The following SUSD3 variants were observed in gnomAD, a reference collection of about 807,000 sequenced individuals.
SUSD3 encodes the protein sushi domain containing 3.
In SUSD3, 18 loss-of-function variants were observed where a neutral mutation model predicts 20.6. The observed-to-expected ratio is 0.87, with a 90% CI of 0.60 to 1.30. SUSD3 has a LOEUF of 1.30. Ranked by LOEUF, SUSD3 falls within the 50% of genes most tolerant of loss-of-function variation. The pLI, the probability that SUSD3 is intolerant of heterozygous loss-of-function variation, is 0.00. For missense variants in SUSD3, 306 were observed against 346.9 expected, an observed-to-expected ratio of 0.88 and a Z score of 0.94; for synonymous variants, 137 against 141.5, an observed-to-expected ratio of 0.97 and a Z score of 0.23.
intron 1 of SUSD3, 24 bp from the exon 2 acceptor site, chr9:93,075,760 C>T (rs374982655): frequency 8.6e-6 from 7 of 818,246 alleles, no homozygotes; most frequent in East Asian, 4.3e-5. Context: ...CCCCGCCATG[C>T]CTCATACCTG....
At chr9:93,082,561 C>T (rs1319712598) in intron 4 of SUSD3, among the ~76,000 whole-genome samples, 1 of 152,172 alleles carries the variant, frequency 6.6e-6, no homozygotes, top group East Asian at 1.9e-4. Flanking sequence ...TCGTGATCTG[C>T]CCACCTCGGC....
chr9:93,059,075 T>A (rs1278164617), intron 1 of SUSD3, among the ~76,000 whole-genome samples: 3 of 152,086 alleles, frequency 2.0e-5, no homozygotes, highest in Admixed American at 2.0e-4. Context: ...CGTTCCCGAG[T>A]GGCCGCAGCG....
intron 1 of SUSD3, among the ~76,000 whole-genome samples, chr9:93,065,231 G>T (rs559948833): frequency 1.3e-5 from 2 of 152,308 alleles, no homozygotes; most frequent in East Asian, 3.9e-4. Context: ...ACACGCACCA[G>T]CTTGATTCCA....
intron 4 of SUSD3, among the ~76,000 whole-genome samples, chr9:93,080,954 T>C (rs754177885): frequency 2.0e-5 from 3 of 152,210 alleles, no homozygotes; most frequent in African/African-American, 4.8e-5. Context: ...TTGGGAAAAG[T>C]TCACAAATAC....
At chr9:93,073,579 G>A (rs1826000290) in intron 1 of SUSD3, among the ~76,000 whole-genome samples, 1 of 152,126 alleles carries the variant, frequency 6.6e-6, no homozygotes, top group South Asian at 2.1e-4. Flanking sequence ...ATGCACCAGC[G>A]GTCCACTGTC....
rs1436392539 is a variant in SUSD3, at chr9:93,058,756, C to T, written c.14C>T (p.Ala5Val). Reference protein sequence around the residue: MRWAAATLRGKARPR... With the variant: MRWAVATLRGKARPR... ...GGAGCGCGCAGGATGCGCTGGGCGG[C>T]CGCCACCCTCCGTGGCAAGGCGAGG... is the stretch of plus-strand genomic sequence containing the variant. The change falls in exon 1 of 5, where the codon GCC (alanine) becomes GTC (valine). Residue 5 changes from alanine (A) to valine (V), a missense_variant. Coordinates refer to ENST00000375472, the MANE Select transcript of SUSD3 (RefSeq NM_145006.4). 1.5e-5 allele frequency: 19 copies of T among 1,236,278 alleles called. No homozygotes were observed. In the East Asian group the frequency reaches 6.0e-4, roughly 39 times the overall value. 76.6% of individuals were successfully genotyped at this position (1,236,278 alleles called of 1,614,324 possible). A position where few individuals can be genotyped will look rare whatever the true frequency, so the allele number is the denominator to read the frequency against.
Position 93,084,822 on chromosome 9 carries a change from CCA to C in SUSD3, c.*78_*79del. ...CCCCACCAGCCAGTCAGCTACAACT[CCA>C]CATCAACTCCACATGCGCCCAGCTC... On this transcript the variant is annotated 3_prime_UTR_variant, in exon 5 of 5. Coordinates refer to ENST00000375472, the MANE Select transcript of SUSD3 (RefSeq NM_145006.4). The C allele has an allele frequency of 2.3e-6, 3 of 1,295,440 alleles. No homozygotes were observed. Among genetic ancestry groups the C allele is most frequent in the Non-Finnish European group, 2.1e-6 (2 of 971,432 alleles). The allele number at this position is 1,295,440 out of a possible 1,614,324, so 80.2% of individuals were successfully genotyped here.
intron 4 of SUSD3, among the ~76,000 whole-genome samples, chr9:93,080,421 A>G (rs958893901): frequency 1.3e-5 from 2 of 151,460 alleles, no homozygotes; most frequent in Non-Finnish European, 1.5e-5. Flanking sequence ...GCACTCAGCC[A>G]CCAGGTCTCT....
intron 1 of SUSD3, among the ~76,000 whole-genome samples, chr9:93,062,657 A>T (rs1354318260): frequency 1.3e-5 from 2 of 151,988 alleles, no homozygotes; most frequent in Non-Finnish European, 2.9e-5. Context: ...GACAGATGGG[A>T]TCTGCCTCTC....
At chr9:93,083,111 C>T (rs1438883411) in intron 4 of SUSD3, among the ~76,000 whole-genome samples, 3 of 152,112 alleles carry the variant, frequency 2.0e-5, no homozygotes, top group African/African-American at 4.8e-5. Context: ...CTGACAGGGC[C>T]GTGAGAGGCT....
chr9:93,078,046 A>G (rs755825626), intron 3 of SUSD3, 53 bp downstream of exon 3: 3 of 1,611,886 alleles, frequency 1.9e-6, no homozygotes, highest in South Asian at 1.1e-5. Context: ...TCTTGGCACC[A>G]TGGGAGGAGG....
chr9:93,071,347 G>A (rs577501842), intron 1 of SUSD3, among the ~76,000 whole-genome samples: 11 of 152,332 alleles, frequency 7.2e-5, no homozygotes, highest in Admixed American at 1.3e-4. Context: ...CAGAAGGCCC[G>A]ACAGCCGTTG....
chr9:93,084,674 C>A lies in SUSD3; in HGVS notation c.695C>A (p.Pro232His). The A allele has an allele frequency of 6.2e-7, 1 of 1,606,252 alleles. No homozygotes were observed. The highest frequency in any genetic ancestry group is 8.5e-7 in the Non-Finnish European group (1 of 1,176,220). Residue 232 changes from proline to histidine, a missense_variant, in exon 5 of 5, where the codon CCC (proline) becomes CAC (histidine). Physicochemically the swap from Pro to His is moderately conservative, Grantham distance 77 (BLOSUM62 -2). Coordinates refer to ENST00000375472, the MANE Select transcript of SUSD3 (RefSeq NM_145006.4). ...CAGGTGATGGTGCACATGGCAAACC[C>A]CAGACAGCCCCTGCCTGCCTCTGGG... ...QAQVMVHMAN[P>H]RQPLPASGLA...
intron 1 of SUSD3, among the ~76,000 whole-genome samples, chr9:93,064,450 A>G (rs1314302190): frequency 1.3e-5 from 2 of 152,216 alleles, no homozygotes; most frequent in East Asian, 3.9e-4. Context: ...CCTGCTGTTG[A>G]TGCCTGTCAC....
At chr9:93,063,220 G>A (rs533569050) in intron 1 of SUSD3, among the ~76,000 whole-genome samples, 52 of 152,308 alleles carry the variant, frequency 3.4e-4, no homozygotes, top group Non-Finnish European at 6.0e-4. Context: ...AAGTTTCCCT[G>A]TGTTCCATGG....
chr9:93,079,265 C>T (rs1479988861), intron 3 of SUSD3, among the ~76,000 whole-genome samples: 1 of 152,198 alleles, frequency 6.6e-6, no homozygotes, highest in African/African-American at 2.4e-5. Flanking sequence ...TGTGTGGCTA[C>T]TTTTGGGCTG....
intron 1 of SUSD3, among the ~76,000 whole-genome samples, chr9:93,074,613 A>ATTTTT (rs1554748465): frequency 8.5e-6 from 1 of 117,870 alleles, no homozygotes; most frequent in African/African-American, 3.7e-5. Flanking sequence ...TTGGCAGCAG[A>ATTTTT]TTCTTTTTTT....
chr9:93,079,748 A>C, intron 4 of SUSD3, 146 bp downstream of exon 4: 1 of 803,416 alleles, frequency 1.2e-6, no homozygotes, highest in Non-Finnish European at 1.9e-6. Flanking sequence ...CATCTCTAAA[A>C]CAAGAGGCTG....
At position 93,064,342 on chromosome 9, in the gene SUSD3, A is replaced by G. The variant is rs187046140; in HGVS notation, c.88+5512A>G. On this transcript the variant is annotated intron_variant, in intron 1 of 4. Coordinates refer to ENST00000375472, the MANE Select transcript of SUSD3 (RefSeq NM_145006.4). ...AGTACAGGCGTGAGCCACCGCACCC[A>G]GCCGACTTCACCCTTTATCCCCCAC... 7.9e-5 allele frequency among the ~76,000 whole-genome samples: 12 copies of G among 152,302 alleles called. No homozygotes were observed. The South Asian group carries it at 1.2e-3, about 16-fold the overall frequency.
Sources: allele counts gnomAD v4.1 joint callset (sites outside exome capture counted in the v4.1 genomes callset), GRCh38; gene constraint gnomAD v4.1.1; transcripts MANE v1.5; gene names NCBI Gene and HGNC (gene_info 2026-07-23, HGNC 2026-07-21).